UNC13C: variants seen among roughly 807,000 people sequenced by gnomAD.
UNC13C encodes protein unc-13 homolog C.
A neutral mutation model predicts 245.4 loss-of-function variants in UNC13C; 174 were observed. That is an observed-to-expected ratio of 0.71 (90% CI 0.63 to 0.80). The LOEUF (loss-of-function observed/expected upper bound fraction) is 0.80, where lower values mean the gene tolerates loss of function less well. Ranked by LOEUF, UNC13C falls within the 30% of genes least tolerant of loss-of-function variation. The pLI, the probability that UNC13C is intolerant of heterozygous loss-of-function variation, is 0.00. For missense variants in UNC13C, 2,829 were observed against 2,602.9 expected (o/e 1.09, Z -1.89); for synonymous variants, 992 against 895.1 (o/e 1.11, Z -1.93).
intron 4 of UNC13C, among the ~76,000 whole-genome samples, chr15:54,191,588 A>G (rs2034185087): frequency 6.6e-6 from 1 of 152,116 alleles, no homozygotes. Flanking sequence ...TGCTGGGTCA[A>G]ATGGTGTTTC....
chr15:53,941,407 T>G, the UNC13C span, among the ~76,000 whole-genome samples: 1 of 152,020 alleles, frequency 6.6e-6, no homozygotes, highest in African/African-American at 2.4e-5. Context: ...ATGACAAAAA[T>G]GACAAAAGCA....
At chr15:54,434,629 C>A (rs1315115143) in intron 19 of UNC13C, among the ~76,000 whole-genome samples, 2 of 152,006 alleles carry the variant, frequency 1.3e-5, no homozygotes, top group Non-Finnish European at 2.9e-5. Context: ...ACCATAAAAA[C>A]CCTAGAAGAA....
the UNC13C span, among the ~76,000 whole-genome samples, chr15:53,922,422 A>C: frequency 3.3e-5 from 5 of 152,220 alleles, no homozygotes. Flanking sequence ...TTAATTTTAC[A>C]AATGAAGAAA....
the UNC13C span, among the ~76,000 whole-genome samples, chr15:53,880,346 G>C: frequency 6.6e-6 from 1 of 152,174 alleles, no homozygotes; most frequent in African/African-American, 2.4e-5. Flanking sequence ...AGAATAAACT[G>C]TAATGACCGA....
intron 19 of UNC13C, among the ~76,000 whole-genome samples, chr15:54,482,661 A>T (rs1427871716): frequency 1.3e-5 from 1 of 77,658 alleles, no homozygotes; most frequent in Non-Finnish European, 2.8e-5. Context: ...GTGGTTACCT[A>T]CTTGGTGTTT....
At chr15:54,306,775 G>A (rs2037736631) in intron 13 of UNC13C, among the ~76,000 whole-genome samples, 1 of 151,974 alleles carries the variant, frequency 6.6e-6, no homozygotes, top group Admixed American at 6.6e-5. Context: ...TTAGGTCGGT[G>A]TTTTTTACCT....
At chr15:54,174,016 T>A (rs998748544) in intron 4 of UNC13C, among the ~76,000 whole-genome samples, 2 of 152,178 alleles carry the variant, frequency 1.3e-5, no homozygotes, top group African/African-American at 4.8e-5. Flanking sequence ...AATTGTTGCA[T>A]CAATATTGTA....
At chr15:54,186,405 A>C (rs984879959) in intron 4 of UNC13C, among the ~76,000 whole-genome samples, 5 of 152,214 alleles carry the variant, frequency 3.3e-5, no homozygotes, top group Non-Finnish European at 5.9e-5. Context: ...GAAGAAAATA[A>C]ATTCTGGTAT....
At chr15:53,923,644 G>A in the UNC13C span, among the ~76,000 whole-genome samples, 136 of 152,298 alleles carry the variant, frequency 8.9e-4, no homozygotes, top group Non-Finnish European at 1.8e-3. Flanking sequence ...TTTATTTAGA[G>A]CTGCAGAGAG....
Position 54,432,558 on chromosome 15 carries a change from A to G in UNC13C, c.4933+17491A>G, listed in dbSNP as rs191756386. Reference sequence around the variant, plus strand: ...TTATTTCTTTGAAACCAATGAGAACAAAGACACAACGTACCAGAATCTCTG... The same window carrying G: ...TTATTTCTTTGAAACCAATGAGAACGAAGACACAACGTACCAGAATCTCTG... On this transcript the variant is annotated intron_variant, in intron 19 of 32. Transcript: ENST00000260323. 6.6e-5 allele frequency among the ~76,000 whole-genome samples: 10 copies of G among 152,146 alleles called. No individual in the cohort carries two copies. In the East Asian group the frequency reaches 1.7e-3, roughly 27 times the overall value.
intron 13 of UNC13C, among the ~76,000 whole-genome samples, chr15:54,305,626 G>T (rs945341400): frequency 1.3e-5 from 2 of 151,776 alleles, no homozygotes; most frequent in Non-Finnish European, 2.9e-5. Flanking sequence ...AAAAGTAACC[G>T]GAAAGCCAAC....
chr15:53,876,070 T>A, the UNC13C span, among the ~76,000 whole-genome samples: 3 of 152,240 alleles, frequency 2.0e-5, no homozygotes, highest in Non-Finnish European at 4.4e-5. Flanking sequence ...TGCTAAATAC[T>A]CTCTCCTGTT....
At chr15:54,117,224 A>G (rs1312351533) in intron 2 of UNC13C, among the ~76,000 whole-genome samples, 2 of 151,916 alleles carry the variant, frequency 1.3e-5, no homozygotes, top group Non-Finnish European at 1.5e-5. Context: ...ATTCCGTGGG[A>G]TATCTCTTCA....
In UNC13C at chr15:54,552,629, T is replaced by A. The variant is rs1275233974; in HGVS notation, c.5878-2803T>A. On this transcript the variant is annotated intron_variant, in intron 28 of 32. Coordinates refer to ENST00000260323, the MANE Select transcript of UNC13C (RefSeq NM_001080534.3). ...ATAATTATATAATTATATTATATATTGTACAATATAATATAATTATATAAT... is the reference window on the plus strand; with the variant it reads ...ATAATTATATAATTATATTATATATAGTACAATATAATATAATTATATAAT... Among the ~76,000 whole-genome samples the A allele has an allele frequency of 7.1e-5, 5 of 70,352 alleles. No individual in the cohort carries two copies. In the Admixed American group the frequency reaches 7.6e-4, roughly 11 times the overall value. The allele number at this position is 70,352 out of a possible 152,430, so 46.2% of individuals were successfully genotyped here. A position where few individuals can be genotyped will look rare whatever the true frequency, so the allele number is the denominator to read the frequency against.
intron 2 of UNC13C, among the ~76,000 whole-genome samples, chr15:54,140,281 C>T (rs2031951801): frequency 6.6e-6 from 1 of 152,038 alleles, no homozygotes; most frequent in African/African-American, 2.4e-5. Context: ...ATAATATTTT[C>T]CATTATTCAG....
chr15:54,563,580 A>G (rs1346440941), intron 29 of UNC13C, among the ~76,000 whole-genome samples: 1 of 152,004 alleles, frequency 6.6e-6, no homozygotes, highest in Non-Finnish European at 1.5e-5. Context: ...GTTTAGAATC[A>G]ATGGAAAATA....
intron 30 of UNC13C, among the ~76,000 whole-genome samples, chr15:54,600,049 C>T (rs1013977821): frequency 1.3e-5 from 2 of 151,952 alleles, no homozygotes; most frequent in African/African-American, 4.8e-5. Context: ...GGCATATGAC[C>T]ATTTATTAAC....
intron 13 of UNC13C, among the ~76,000 whole-genome samples, chr15:54,316,716 A>G (rs11853791): frequency 0.15 from 22,197 of 151,832 alleles, 1,811 homozygotes; most frequent in East Asian, 0.18. Flanking sequence ...CTCTTTCATG[A>G]TCATTACCTC....
intron 22 of UNC13C, among the ~76,000 whole-genome samples, chr15:54,504,319 TAAC>T (rs980820173): frequency 6.6e-6 from 1 of 152,208 alleles, no homozygotes. Flanking sequence ...TTCTAATTTT[TAAC>T]AATAATAATG....
Sources: allele counts gnomAD v4.1 joint callset (sites outside exome capture counted in the v4.1 genomes callset), GRCh38; gene constraint gnomAD v4.1.1; transcripts MANE v1.5; gene names NCBI Gene and HGNC (gene_info 2026-07-23, HGNC 2026-07-21).